The following NOTCH2 variants were observed in gnomAD, a reference collection of about 807,000 sequenced individuals.
NOTCH2 encodes the protein notch receptor 2.
NOTCH2 carries 29 observed loss-of-function variants against 235.8 expected under a neutral mutation model. The ratio of observed to expected loss-of-function variants is 0.12; its 90% CI spans 0.09 to 0.17. The LOEUF (loss-of-function observed/expected upper bound fraction) is 0.17, where lower values mean the gene tolerates loss of function less well. Ranked by LOEUF, NOTCH2 falls within the 10% of genes least tolerant of loss-of-function variation. The pLI is 1.00. For synonymous variants in NOTCH2, 1,086 were observed against 1,141.5 expected, an observed-to-expected ratio of 0.95 and a Z score of 0.98; for missense variants, 2,285 against 3,150.2, an observed-to-expected ratio of 0.73 and a Z score of 6.57.
intron 23 of NOTCH2, among the ~76,000 whole-genome samples, chr1:119,927,024 A>G (rs1160353421): frequency 6.6e-6 from 1 of 152,244 alleles, no homozygotes; most frequent in Non-Finnish European, 1.5e-5. Context: ...CACCAGGCCA[A>G]TACATTTAAA....
chr1:120,010,879 A>T (rs1177423610), intron 2 of NOTCH2, among the ~76,000 whole-genome samples: 1 of 152,138 alleles, frequency 6.6e-6, no homozygotes, highest in African/African-American at 2.4e-5. Context: ...CCAAATGCCT[A>T]TAAGCTGATG....
chr1:119,931,192 T>C (rs1400182529), intron 22 of NOTCH2, among the ~76,000 whole-genome samples: 1 of 149,876 alleles, frequency 6.7e-6, no homozygotes, highest in Non-Finnish European at 1.5e-5. Context: ...AAAGCAAGAT[T>C]TTTTTTTTTA....
chr1:119,988,821 T>A (rs1236446444), intron 4 of NOTCH2, among the ~76,000 whole-genome samples: 1 of 152,174 alleles, frequency 6.6e-6, no homozygotes, highest in Non-Finnish European at 1.5e-5. Flanking sequence ...TACAGTTGAC[T>A]AGGGTGTCAG....
chr1:119,917,136 C>A lies in NOTCH2; in HGVS notation c.6028-442G>T, dbSNP rs1027282035. ...AAGGTAGGAAGAGAAAAAACTAAGG[C>A]ATGCACAGAACTGGGAAAAGTAAGG... On this transcript the variant is annotated intron_variant, in intron 33 of 33. Transcript: ENST00000256646. 3.3e-5 allele frequency among the ~76,000 whole-genome samples: 5 copies of A among 151,524 alleles called. No homozygotes were observed. The South Asian group carries it at 1.0e-3, about 32-fold the overall frequency.
chr1:119,974,870 G>T (rs749330698), intron 5 of NOTCH2, among the ~76,000 whole-genome samples: 1 of 152,008 alleles, frequency 6.6e-6, no homozygotes, highest in Non-Finnish European at 1.5e-5. Flanking sequence ...TCCCCATTTC[G>T]CTATAAGCTC....
chr1:119,958,860 C>A (rs1650825604), intron 12 of NOTCH2, among the ~76,000 whole-genome samples: 1 of 152,068 alleles, frequency 6.6e-6, no homozygotes, highest in Admixed American at 6.6e-5. Flanking sequence ...TCCTCCTGGG[C>A]AGAAAGATCT....
At chr1:120,000,965 C>G (rs1352693112) in intron 3 of NOTCH2, among the ~76,000 whole-genome samples, 4 of 151,746 alleles carry the variant, frequency 2.6e-5, no homozygotes, top group African/African-American at 9.7e-5. Flanking sequence ...GTGGGAGGGA[C>G]CCAGTGGGGT....
chr1:119,923,268 T>C (rs114483110), intron 26 of NOTCH2, among the ~76,000 whole-genome samples: 1 of 152,302 alleles, frequency 6.6e-6, no homozygotes, highest in Non-Finnish European at 1.5e-5. Flanking sequence ...CAACTGAAGA[T>C]CATTACCTGT....
intron 5 of NOTCH2, among the ~76,000 whole-genome samples, chr1:119,982,490 C>A (rs1177678908): frequency 6.6e-6 from 1 of 152,076 alleles, no homozygotes; most frequent in Non-Finnish European, 1.5e-5. Context: ...TCTATGTAGA[C>A]AAAACATTAA....
chr1:119,935,535 T>C lies in NOTCH2; in HGVS notation c.3592A>G (p.Asn1198Asp). ...VDECQNQPCQ[N>D]GGTCIDLVNH... ...ACAAGGTCAATACAGGTGCCTCCAT[T>C]CTGGCAGGGCTGATTCTGGCACTCA... The change falls in exon 22 of 34, where the codon AAT (asparagine) becomes GAT (aspartate). Residue 1198 changes from asparagine (N) to aspartate (D), a missense_variant. By Grantham distance (23) the Asn-to-Asp change is conservative. Coordinates refer to ENST00000256646, the MANE Select transcript of NOTCH2 (RefSeq NM_024408.4). The C allele has an allele frequency of 5.6e-6, 9 of 1,614,220 alleles. No homozygotes were observed. Among genetic ancestry groups the C allele is most frequent in the Non-Finnish European group, 7.6e-6 (9 of 1,180,042 alleles).
chr1:119,923,831 A>C lies in NOTCH2; in HGVS notation c.4665T>G (p.Pro1555=), dbSNP rs587722015. The C allele has an allele frequency of 6.2e-7, 1 of 1,614,082 alleles. No individual in the cohort carries two copies. Among genetic ancestry groups the C allele is most frequent in the African/African-American group, 1.3e-5 (1 of 74,916 alleles). Residue 1555 remains proline (P), a synonymous_variant, in exon 26 of 34, where the codon CCT becomes CCG. Coordinates refer to ENST00000256646, the MANE Select transcript of NOTCH2 (RefSeq NM_024408.4). The part of the protein sequence containing the change: ...GTLVIVVLMP[P]EQLLQDARSF... Reference sequence around the variant, plus strand: ...TGCGAGCATCCTGGAGCAGTTGTTCAGGTGGCATCAATACCACAATAACCA... The same window carrying C: ...TGCGAGCATCCTGGAGCAGTTGTTCCGGTGGCATCAATACCACAATAACCA...
rs782233786 is a variant in NOTCH2, at chr1:119,967,487, T to C, written c.1399A>G (p.Asn467Asp). The part of the protein sequence containing the change: ...INECHSDPCQ[N>D]DATCLDKIGG... ...ATCTTATCCAGACAGGTAGCATCATTCTGGCAGGGGTCTGAATGGCACTCA... is the reference window on the plus strand; with the variant it reads ...ATCTTATCCAGACAGGTAGCATCATCCTGGCAGGGGTCTGAATGGCACTCA... Residue 467 changes from asparagine to aspartate, a missense_variant, in exon 8 of 34, where the codon AAT becomes GAT. By Grantham distance (23) the Asn-to-Asp change is conservative (BLOSUM62 1). Coordinates refer to ENST00000256646, the MANE Select transcript of NOTCH2 (RefSeq NM_024408.4). 6.2e-7 allele frequency: 1 copy of C among 1,614,142 alleles called. No homozygotes were observed. The highest frequency in any genetic ancestry group is 8.5e-7 in the Non-Finnish European group (1 of 1,179,990).
intron 3 of NOTCH2, among the ~76,000 whole-genome samples, chr1:120,004,918 G>A (rs1371650182): frequency 1.3e-5 from 2 of 152,060 alleles, no homozygotes; most frequent in African/African-American, 4.8e-5. Context: ...GACTACAGGT[G>A]CACACCACCA....
chr1:119,933,412 A>C (rs782191002), intron 22 of NOTCH2, among the ~76,000 whole-genome samples: 3 of 152,234 alleles, frequency 2.0e-5, no homozygotes, highest in Non-Finnish European at 4.4e-5. Flanking sequence ...ACATACCTAA[A>C]CAAGCACACA....
Position 119,920,524 on chromosome 1 carries a change from C to T in NOTCH2, c.5311-127G>A, listed in dbSNP as rs1649247499. 3.8e-6 allele frequency: 4 copies of T among 1,041,188 alleles called. No individual in the cohort carries two copies. In the Admixed American group the frequency reaches 7.6e-5, roughly 20 times the overall value. 64.5% of individuals were successfully genotyped at this position (1,041,188 alleles called of 1,614,324 possible). A position where few individuals can be genotyped will look rare whatever the true frequency, so the allele number is the denominator to read the frequency against. On this transcript the variant is annotated intron_variant, in intron 29 of 33. Coordinates refer to ENST00000256646, the MANE Select transcript of NOTCH2 (RefSeq NM_024408.4). Reference sequence around the variant, plus strand: ...TTTTCTCTCTTCCTACTCCTCCACCCCTCCAGAGGATTACCTCAGCCTTGG... The same window carrying T: ...TTTTCTCTCTTCCTACTCCTCCACCTCTCCAGAGGATTACCTCAGCCTTGG...
intron 14 of NOTCH2, among the ~76,000 whole-genome samples, chr1:119,951,516 G>A (rs1553197808): frequency 6.6e-6 from 1 of 152,188 alleles, no homozygotes; most frequent in East Asian, 1.9e-4. Flanking sequence ...GAAAAGGGAT[G>A]ATGTTTTTGA....
At chr1:119,957,304 T>G (rs587646043) in intron 12 of NOTCH2, among the ~76,000 whole-genome samples, 2 of 152,354 alleles carry the variant, frequency 1.3e-5, no homozygotes, top group South Asian at 2.1e-4. Flanking sequence ...ACTTCCTTTC[T>G]GGATTGTTAT....
chr1:119,941,599 T>G lies in NOTCH2; in HGVS notation c.2908A>C (p.Ser970Arg). 1 of 1,614,208 alleles carries G rather than the reference T, an allele frequency of 6.2e-7. No individual in the cohort carries two copies. ...NGGTCSDYVN[S>R]YTCKCQAGFD... ...CCTGCCTGGCACTTGCAAGTGTAAC[T>G]GTTGACGTAGTCAGAGCAGGTCCCT... Residue 970 changes from serine to arginine, a missense_variant, in exon 18 of 34, where the codon AGT becomes CGT. By Grantham distance (110) the Ser-to-Arg change is moderately radical. This residue lies in a region of NOTCH2 where 1,173 missense variants were observed against 1,515.3 expected (regional missense o/e 0.77). Transcript: ENST00000256646.
At chr1:120,006,989 T>C (rs1242186887) in intron 2 of NOTCH2, among the ~76,000 whole-genome samples, 1 of 152,190 alleles carries the variant, frequency 6.6e-6, no homozygotes, top group African/African-American at 2.4e-5. Flanking sequence ...GTAGCTAAAA[T>C]GGCTAAAGGA....
Sources: gnomAD v4.1 joint callset for allele counts (sites outside exome capture counted in the v4.1 genomes callset) on GRCh38, gnomAD v4.1.1 for gene constraint, gnomAD v4.1.1 regional missense constraint, MANE v1.5 for transcripts, NCBI Gene and HGNC (gene_info 2026-07-23, HGNC 2026-07-21) for gene names.